The following GPC6 variants were observed in gnomAD, a reference collection of about 807,000 sequenced individuals.
The protein encoded by GPC6 is glypican-6.
In GPC6, 14 loss-of-function variants were observed where a neutral mutation model predicts 55.2. The ratio of observed to expected loss-of-function variants is 0.25; its 90% CI spans 0.17 to 0.40. The LOEUF (loss-of-function observed/expected upper bound fraction) is 0.40, where lower values mean the gene tolerates loss of function less well. Among genes scored for constraint, GPC6 ranks in the 10% least tolerant of loss-of-function variants. The pLI, the probability that GPC6 is intolerant of heterozygous loss-of-function variation, is 1.00. For synonymous variants in GPC6, 278 were observed against 259.6 expected, an observed-to-expected ratio of 1.07 and a Z score of -0.68; for missense variants, 641 against 708.5, an observed-to-expected ratio of 0.90 and a Z score of 1.08.
At chr13:94,173,256 C>CTTTA (rs1252036418) in intron 4 of GPC6, among the ~76,000 whole-genome samples, 2 of 152,082 alleles carry the variant, frequency 1.3e-5, no homozygotes, top group African/African-American at 4.8e-5. Flanking sequence ...CAAGAAATTG[C>CTTTA]TATGTTTGAC....
intron 6 of GPC6, among the ~76,000 whole-genome samples, chr13:94,366,376 T>C (rs568952099): frequency 4.0e-4 from 61 of 152,336 alleles, no homozygotes; most frequent in African/African-American, 1.4e-3. Flanking sequence ...ACTAGCATCA[T>C]CTTGTTAGCT....
chr13:93,320,821 C>T (rs984511721), intron 1 of GPC6, among the ~76,000 whole-genome samples: 1 of 152,056 alleles, frequency 6.6e-6, no homozygotes, highest in South Asian at 2.1e-4. Context: ...AAATAAGAAC[C>T]GGTGTTCAAC....
chr13:93,398,800 G>A (rs1398760745), intron 1 of GPC6, among the ~76,000 whole-genome samples: 6 of 152,126 alleles, frequency 3.9e-5, no homozygotes, highest in African/African-American at 1.2e-4. Flanking sequence ...AAGATGATGA[G>A]GTGATAGAAT....
chr13:94,303,223 T>G, intron 5 of GPC6, among the ~76,000 whole-genome samples: 1 of 152,226 alleles, frequency 6.6e-6, no homozygotes, highest in East Asian at 1.9e-4. Flanking sequence ...TAGCCCTTGC[T>G]GGCTGGAATG....
chr13:94,265,217 G>A lies in GPC6; in HGVS notation c.878-21132G>A, dbSNP rs565440178. 1.8e-4 allele frequency among the ~76,000 whole-genome samples: 27 copies of A among 152,262 alleles called. No homozygotes were observed. The South Asian group carries it at 5.4e-3, about 30-fold the overall frequency. ...GTTCTCTAGAGGGAAAGAACTAATA[G>A]GATAGATGTATATATAAAGGGGAGT... is the stretch of plus-strand genomic sequence containing the variant. On this transcript the variant is annotated intron_variant, in intron 4 of 8. Transcript: ENST00000377047.
intron 4 of GPC6, among the ~76,000 whole-genome samples, chr13:94,054,541 C>G (rs1884066143): frequency 6.6e-6 from 1 of 152,138 alleles, no homozygotes; most frequent in Non-Finnish European, 1.5e-5. Context: ...TCCAAATAAT[C>G]CCACCTTTTG....
At chr13:94,205,842 C>T (rs550271166) in intron 4 of GPC6, among the ~76,000 whole-genome samples, 10 of 152,234 alleles carry the variant, frequency 6.6e-5, no homozygotes, top group South Asian at 4.1e-4. Context: ...TATGAAAACA[C>T]GGCTAAACTA....
chr13:94,041,783 A>G (rs1420304844), intron 4 of GPC6, among the ~76,000 whole-genome samples: 1 of 151,900 alleles, frequency 6.6e-6, no homozygotes, highest in East Asian at 1.9e-4. Flanking sequence ...AGCTTTACCA[A>G]TTGTTATTCT....
chr13:94,398,892 T>C (rs1007150156), intron 8 of GPC6, among the ~76,000 whole-genome samples: 3 of 152,190 alleles, frequency 2.0e-5, no homozygotes, highest in African/African-American at 7.2e-5. Context: ...AAAGCTGAAA[T>C]TGAGTTTCAT....
chr13:94,348,706 C>T (rs992532349), intron 6 of GPC6, among the ~76,000 whole-genome samples: 5 of 152,200 alleles, frequency 3.3e-5, no homozygotes, highest in African/African-American at 4.8e-5. Context: ...CTATAGCACA[C>T]AGTGGCTGGA....
At position 93,714,448 on chromosome 13, in the gene GPC6, G is replaced by A. The variant is rs554247907; in HGVS notation, c.320-115706G>A. 3.9e-5 allele frequency among the ~76,000 whole-genome samples: 6 copies of A among 151,980 alleles called. No individual in the cohort carries two copies. The South Asian group carries it at 1.2e-3, about 32-fold the overall frequency. The stretch of plus-strand genomic sequence containing the variant: ...TCAAAAGACAACAGATGCTGGCATG[G>A]CTGCAGAGAAAAAGGAATGCTTATA... On this transcript the variant is annotated intron_variant, in intron 2 of 8. Coordinates refer to ENST00000377047, the MANE Select transcript of GPC6 (RefSeq NM_005708.5).
In GPC6 at chr13:93,992,171, A is replaced by ATG. The variant is rs1298016487; in HGVS notation, c.712-35552_712-35551dup. Among the ~76,000 whole-genome samples the ATG allele has an allele frequency of 1.7e-3, 245 of 144,822 alleles. 1 individual carries two copies. The highest frequency in any genetic ancestry group is 5.3e-3 in the African/African-American group (206 of 38,518). On this transcript the variant is annotated intron_variant, in intron 3 of 8. Transcript: ENST00000377047. Reference sequence around the variant, plus strand: ...AAATGTATTTTTAGTTTACAGAGATATGTGTGTATATATATATATATATAT... The same window carrying ATG: ...AAATGTATTTTTAGTTTACAGAGATATGTGTGTGTATATATATATATATATAT...
chr13:93,399,463 A>G (rs1875988089), intron 1 of GPC6, among the ~76,000 whole-genome samples: 1 of 152,226 alleles, frequency 6.6e-6, no homozygotes, highest in African/African-American at 2.4e-5. Context: ...CAATAAATGA[A>G]TGTGTGTGTT....
intron 1 of GPC6, among the ~76,000 whole-genome samples, chr13:93,507,235 G>A (rs537270312): frequency 6.6e-6 from 1 of 152,158 alleles, no homozygotes; most frequent in East Asian, 1.9e-4. Flanking sequence ...CTGAAGCTTC[G>A]GCCGAATTAA....
chr13:93,246,082 C>T (rs1410242762), intron 1 of GPC6, among the ~76,000 whole-genome samples: 1 of 152,100 alleles, frequency 6.6e-6, no homozygotes, highest in Non-Finnish European at 1.5e-5. Flanking sequence ...AAGAGAAATT[C>T]CATCCCCCCA....
At chr13:93,419,053 A>G in intron 1 of GPC6, among the ~76,000 whole-genome samples, 1 of 150,304 alleles carries the variant, frequency 6.7e-6, no homozygotes, top group South Asian at 2.2e-4. Context: ...TAACATTATC[A>G]GATTTCCTAA....
intron 2 of GPC6, among the ~76,000 whole-genome samples, chr13:93,638,119 T>C (rs1879771507): frequency 6.6e-6 from 1 of 152,106 alleles, no homozygotes; most frequent in Non-Finnish European, 1.5e-5. Flanking sequence ...CATTGTAGCT[T>C]ATAGCTAAAA....
At chr13:93,921,075 G>T (rs1202514747) in intron 3 of GPC6, among the ~76,000 whole-genome samples, 2 of 152,152 alleles carry the variant, frequency 1.3e-5, no homozygotes. Flanking sequence ...TATCAGTCCT[G>T]CCAGAAAACC....
chr13:93,355,531 AACTCCC>A (rs1880815508), intron 1 of GPC6, among the ~76,000 whole-genome samples: 1 of 152,176 alleles, frequency 6.6e-6, no homozygotes, highest in African/African-American at 2.4e-5. Flanking sequence ...TGAGCAGATG[AACTCCC>A]ATGGAGAGAT....
Sources: gnomAD v4.1 joint callset for allele counts (sites outside exome capture counted in the v4.1 genomes callset) on GRCh38, gnomAD v4.1.1 for gene constraint, MANE v1.5 for transcripts, NCBI Gene and HGNC (gene_info 2026-07-23, HGNC 2026-07-21) for gene names.